SPSB4: variants seen among roughly 807,000 people sequenced by gnomAD.
SPSB4 encodes splA/ryanodine receptor domain and SOCS box containing 4.
A neutral mutation model predicts 20.9 loss-of-function variants in SPSB4; 21 were observed. That is an observed-to-expected ratio of 1.01 (90% CI 0.71 to 1.45). The LOEUF (loss-of-function observed/expected upper bound fraction) is 1.45. SPSB4 is among the 40% of genes most tolerant of loss of function. The pLI is 0.00. For synonymous variants in SPSB4, 207 were observed against 183.8 expected, an observed-to-expected ratio of 1.13 and a Z score of -1.02; for missense variants, 399 against 399.2, an observed-to-expected ratio of 1.00 and a Z score of 0.00.
intron 2 of SPSB4, among the ~76,000 whole-genome samples, chr3:141,123,697 G>A (rs1472053469): frequency 6.6e-6 from 1 of 152,216 alleles, no homozygotes. Flanking sequence ...CTCTGATATT[G>A]GATGTGTTTC....
chr3:141,124,854 G>T (rs1466742879), intron 2 of SPSB4, among the ~76,000 whole-genome samples: 1 of 152,160 alleles, frequency 6.6e-6, no homozygotes, highest in Non-Finnish European at 1.5e-5. Flanking sequence ...GAATCACTCA[G>T]ATCATGTTAA....
intron 1 of SPSB4, among the ~76,000 whole-genome samples, chr3:141,064,042 G>A (rs1407238412): frequency 1.3e-5 from 2 of 152,258 alleles, no homozygotes; most frequent in Non-Finnish European, 2.9e-5. Flanking sequence ...CCCCCAGGGT[G>A]TAGGAGGCAG....
chr3:141,052,724 G>T (rs1936116880), intron 1 of SPSB4, among the ~76,000 whole-genome samples: 1 of 152,134 alleles, frequency 6.6e-6, no homozygotes, highest in South Asian at 2.1e-4. Flanking sequence ...ATACAAACTT[G>T]TCTATGCTCG....
chr3:141,093,553 G>A (rs1023105620), intron 2 of SPSB4, among the ~76,000 whole-genome samples: 9 of 152,084 alleles, frequency 5.9e-5, no homozygotes, highest in African/African-American at 2.2e-4. Context: ...GGCCCAGAGA[G>A]GTTAAGCTGG....
intron 2 of SPSB4, among the ~76,000 whole-genome samples, chr3:141,134,007 A>C (rs1939180056): frequency 7.9e-6 from 1 of 126,976 alleles, no homozygotes; most frequent in South Asian, 2.5e-4. Context: ...GTATATTCCT[A>C]AGTATTTTTC....
At chr3:141,128,451 G>A (rs1398204153) in intron 2 of SPSB4, among the ~76,000 whole-genome samples, 4 of 152,154 alleles carry the variant, frequency 2.6e-5, no homozygotes, top group Non-Finnish European at 5.9e-5. Context: ...GTGTAGTGGT[G>A]TGAACCACAC....
chr3:141,127,134 C>A (rs553144080), intron 2 of SPSB4, among the ~76,000 whole-genome samples: 2 of 152,392 alleles, frequency 1.3e-5, no homozygotes, highest in South Asian at 4.1e-4. Flanking sequence ...TTCTTCCTCA[C>A]AGCTGGGAGG....
intron 2 of SPSB4, among the ~76,000 whole-genome samples, chr3:141,069,692 C>T (rs945754284): frequency 1.3e-5 from 2 of 152,140 alleles, no homozygotes; most frequent in Admixed American, 1.3e-4. Context: ...TCTTTCTGAA[C>T]TTCAGTGTTC....
chr3:141,102,714 CTTTGTATATATGAAAA>C (rs1938630742), intron 2 of SPSB4, among the ~76,000 whole-genome samples: 1 of 152,118 alleles, frequency 6.6e-6, no homozygotes, highest in Non-Finnish European at 1.5e-5. Context: ...GGAACAGAAA[CTTTGTATATATGAAAA>C]TTTTCAGTAA....
At chr3:141,127,422 C>T (rs1056409207) in intron 2 of SPSB4, among the ~76,000 whole-genome samples, 1 of 152,258 alleles carries the variant, frequency 6.6e-6, no homozygotes, top group Non-Finnish European at 1.5e-5. Flanking sequence ...AGAGCCAGCC[C>T]TGCCCTTGGG....
intron 2 of SPSB4, among the ~76,000 whole-genome samples, chr3:141,124,852 C>T (rs1180030629): frequency 6.6e-6 from 1 of 152,138 alleles, no homozygotes; most frequent in Non-Finnish European, 1.5e-5. Flanking sequence ...TAGAATCACT[C>T]AGATCATGTT....
chr3:141,096,130 G>A (rs1160894478), intron 2 of SPSB4, among the ~76,000 whole-genome samples: 1 of 152,104 alleles, frequency 6.6e-6, no homozygotes, highest in Non-Finnish European at 1.5e-5. Flanking sequence ...AAGAACCAGA[G>A]GTACCTTCTG....
chr3:141,070,190 G>A (rs1937970756), intron 2 of SPSB4, among the ~76,000 whole-genome samples: 1 of 152,162 alleles, frequency 6.6e-6, no homozygotes, highest in South Asian at 2.1e-4. Context: ...TGTCCCAGGG[G>A]TTGTCCAGGG....
At chr3:141,097,841 CAAT>C (rs765783649) in intron 2 of SPSB4, among the ~76,000 whole-genome samples, 44 of 152,092 alleles carry the variant, frequency 2.9e-4, no homozygotes, top group Non-Finnish European at 5.4e-4. Context: ...GTGTAATTAC[CAAT>C]AATAAGAAAA....
chr3:141,087,527 G>A (rs6778115), intron 2 of SPSB4, among the ~76,000 whole-genome samples: 54,046 of 152,090 alleles, frequency 0.36, 13,176 homozygotes, highest in African/African-American at 0.69. Context: ...TAGGGTCCCA[G>A]TGACGTCAGG....
chr3:141,092,129 G>A (rs1231370083), intron 2 of SPSB4, among the ~76,000 whole-genome samples: 11 of 152,172 alleles, frequency 7.2e-5, no homozygotes, highest in Admixed American at 7.2e-4. Flanking sequence ...ACGGAGCTAG[G>A]TTCAAATCTC....
intron 2 of SPSB4, among the ~76,000 whole-genome samples, chr3:141,146,092 C>T (rs1257936088): frequency 6.6e-6 from 1 of 151,532 alleles, no homozygotes; most frequent in Non-Finnish European, 1.5e-5. Context: ...CCCTACCTGC[C>T]CCCACCCTCT....
intron 2 of SPSB4, among the ~76,000 whole-genome samples, chr3:141,145,051 G>A (rs571969308): frequency 1.3e-5 from 2 of 152,240 alleles, no homozygotes; most frequent in Non-Finnish European, 1.5e-5. Flanking sequence ...ACTGGGAGGT[G>A]AGCGATCAGC....
intron 2 of SPSB4, among the ~76,000 whole-genome samples, chr3:141,095,133 G>A (rs1225275307): frequency 6.6e-6 from 1 of 152,126 alleles, no homozygotes; most frequent in Non-Finnish European, 1.5e-5. Context: ...AGGCAGGCCA[G>A]GGGTAGGGGT....
Sources: gnomAD v4.1 joint callset for allele counts (sites outside exome capture counted in the v4.1 genomes callset) on GRCh38, gnomAD v4.1.1 for gene constraint, MANE v1.5 for transcripts, NCBI Gene and HGNC (gene_info 2026-07-23, HGNC 2026-07-21) for gene names.